The following MAGI3 variants were observed in gnomAD, a reference collection of about 807,000 sequenced individuals.
The protein encoded by MAGI3 is membrane associated guanylate kinase, WW and PDZ domain containing 3.
Under a neutral mutation model 121.8 loss-of-function variants are expected in MAGI3, and 43 were observed. That is an observed-to-expected ratio of 0.35 (90% CI 0.28 to 0.46). MAGI3 has a LOEUF of 0.46. Ranked by LOEUF, MAGI3 falls within the 20% of genes least tolerant of loss-of-function variation. MAGI3 has a pLI of 1.00. For missense variants in MAGI3, 1,547 were observed against 1,797.3 expected, an observed-to-expected ratio of 0.86 and a Z score of 2.52; for synonymous variants, 553 against 639.3, an observed-to-expected ratio of 0.86 and a Z score of 2.04.
chr1:113,553,001 C>T (rs1659845164), intron 2 of MAGI3, among the ~76,000 whole-genome samples: 1 of 152,034 alleles, frequency 6.6e-6, no homozygotes, highest in African/African-American at 2.4e-5. Flanking sequence ...AGAGACATAT[C>T]AGAAGGACAT....
intron 1 of MAGI3, among the ~76,000 whole-genome samples, chr1:113,532,209 G>GA (rs1658761443): frequency 6.6e-6 from 1 of 151,960 alleles, no homozygotes; most frequent in African/African-American, 2.4e-5. Context: ...TGCTAAGAAA[G>GA]AAAAATTGTA....
chr1:113,394,861 C>T (rs1274739311), intron 1 of MAGI3, among the ~76,000 whole-genome samples: 3 of 151,958 alleles, frequency 2.0e-5, no homozygotes, highest in African/African-American at 7.2e-5. Context: ...AAATAAAAAC[C>T]AAGTTGAAAC....
At chr1:113,513,287 A>T (rs1279702222) in intron 1 of MAGI3, among the ~76,000 whole-genome samples, 1 of 152,212 alleles carries the variant, frequency 6.6e-6, no homozygotes, top group East Asian at 1.9e-4. Flanking sequence ...TTTAAAGTTC[A>T]TATGGAATCA....
chr1:113,665,363 ATG>A (rs1318743097), intron 16 of MAGI3, among the ~76,000 whole-genome samples: 2 of 151,856 alleles, frequency 1.3e-5, no homozygotes, highest in South Asian at 2.1e-4. Context: ...GGCTGATGAT[ATG>A]TGTGTGTGTG....
At position 113,658,415 on chromosome 1, in the gene MAGI3, A is replaced by C. The variant is rs1653595018; in HGVS notation, c.2630-665A>C. Among the ~76,000 whole-genome samples the C allele has an allele frequency of 6.6e-6, 1 of 152,236 alleles. No individual in the cohort carries two copies. Among genetic ancestry groups the C allele is most frequent in the African/African-American group, 2.4e-5 (1 of 41,468 alleles). On this transcript the variant is annotated intron_variant, in intron 15 of 20. Coordinates refer to ENST00000307546, the MANE Select transcript of MAGI3 (RefSeq NM_001142782.2). This position sits in a 1 kb window ranked among gnomAD's most constrained non-coding sequence, Gnocchi z 4.0. ...TGGTTTAGAATTTGATCCATGAGTC[A>C]AGTAGTCTTAACAGTTAACATTTAA...
At chr1:113,669,579 G>C (rs1200941852) in intron 16 of MAGI3, among the ~76,000 whole-genome samples, 1 of 152,210 alleles carries the variant, frequency 6.6e-6, no homozygotes, top group Non-Finnish European at 1.5e-5. Context: ...GCCCAGGCTG[G>C]AGTGCAGTGG....
At chr1:113,537,227 C>T (rs1455722830) in intron 1 of MAGI3, among the ~76,000 whole-genome samples, 3 of 152,216 alleles carry the variant, frequency 2.0e-5, no homozygotes, top group African/African-American at 7.2e-5. Flanking sequence ...GCTTTATCTC[C>T]GTTTCTCTAT....
In MAGI3 at chr1:113,642,485, T is replaced by C; in HGVS notation, c.1935T>C (p.Gly645=). ...VVEVLKQFPV[G]ADVPLLILRG... ...AGGTGCTAAAGCAGTTTCCAGTAGGTGCTGATGTACCATTGCTTATCTTAA... is the reference window on the plus strand; with the variant it reads ...AGGTGCTAAAGCAGTTTCCAGTAGGCGCTGATGTACCATTGCTTATCTTAA... Residue 645 remains glycine (G), a synonymous_variant, in exon 10 of 21, where the codon GGT becomes GGC. Coordinates refer to ENST00000307546, the MANE Select transcript of MAGI3 (RefSeq NM_001142782.2). The C allele has an allele frequency of 6.2e-7, 1 of 1,613,642 alleles. No homozygotes were observed. The highest frequency in any genetic ancestry group is 1.7e-5 in the Admixed American group (1 of 59,992).
intron 7 of MAGI3, among the ~76,000 whole-genome samples, chr1:113,618,907 C>T (rs917317273): frequency 9.9e-5 from 15 of 152,218 alleles, no homozygotes; most frequent in African/African-American, 3.1e-4. Flanking sequence ...TAGACCTATT[C>T]GAGGTCCTAA....
intron 9 of MAGI3, among the ~76,000 whole-genome samples, 189 bp from the exon 10 acceptor site, chr1:113,641,722 T>C (rs1201589719): frequency 6.6e-6 from 1 of 152,040 alleles, no homozygotes; most frequent in Admixed American, 6.6e-5. Context: ...TTTAGACATT[T>C]ATACATACAT....
chr1:113,473,797 G>T (rs1334820663), intron 1 of MAGI3, among the ~76,000 whole-genome samples: 2 of 152,200 alleles, frequency 1.3e-5, no homozygotes, highest in African/African-American at 4.8e-5. Flanking sequence ...TGGGATGGCT[G>T]AGTCAAATGG....
rs1653268109 is a variant in MAGI3, at chr1:113,653,169, C to T, written c.2441-661C>T. ...AAGACAGACATCAATGAATATCAGT[C>T]ACTGAGCTAAATTATATTTATAATT... On this transcript the variant is annotated intron_variant, in intron 14 of 20. Transcript: ENST00000307546. 2.6e-5 allele frequency among the ~76,000 whole-genome samples: 4 copies of T among 152,304 alleles called. No individual in the cohort carries two copies. In the South Asian group the frequency reaches 8.3e-4, roughly 32 times the overall value.
chr1:113,640,021 A>G (rs1557867948), intron 9 of MAGI3, among the ~76,000 whole-genome samples: 1 of 152,320 alleles, frequency 6.6e-6, no homozygotes, highest in Admixed American at 6.5e-5. Context: ...AACTCAAGAA[A>G]TAAGGTGGTA....
intron 2 of MAGI3, among the ~76,000 whole-genome samples, chr1:113,554,657 T>C (rs1018355352): frequency 1.3e-5 from 2 of 151,824 alleles, no homozygotes; most frequent in Non-Finnish European, 2.9e-5. Context: ...CATGACAAAC[T>C]ATCAAGCCAA....
intron 1 of MAGI3, among the ~76,000 whole-genome samples, chr1:113,509,369 G>C (rs200243000): frequency 7.1e-5 from 5 of 70,354 alleles, no homozygotes; most frequent in Non-Finnish European, 1.7e-4. Context: ...TTTTTTTTTT[G>C]TTTTCTTTTT....
At chr1:113,571,594 A>C (rs2101704158) in intron 2 of MAGI3, among the ~76,000 whole-genome samples, 1 of 152,236 alleles carries the variant, frequency 6.6e-6, no homozygotes, top group Non-Finnish European at 1.5e-5. Context: ...GTTCTCCTTG[A>C]AGAGGTCCTT....
intron 1 of MAGI3, among the ~76,000 whole-genome samples, chr1:113,535,246 A>G (rs961374138): frequency 1.3e-5 from 2 of 152,164 alleles, no homozygotes; most frequent in African/African-American, 4.8e-5. Context: ...GAATAGGGGA[A>G]AAAACAGAAG....
chr1:113,419,717 G>C (rs181962563), intron 1 of MAGI3, among the ~76,000 whole-genome samples: 40 of 152,292 alleles, frequency 2.6e-4, no homozygotes, highest in Non-Finnish European at 4.4e-4. Context: ...CATTACTGCT[G>C]TAACAGATTC....
chr1:113,560,323 C>T (rs750663962), intron 2 of MAGI3, among the ~76,000 whole-genome samples: 2 of 151,942 alleles, frequency 1.3e-5, no homozygotes, highest in African/African-American at 2.4e-5. Flanking sequence ...TTGCAGTGAG[C>T]TGAGATTGTG....
Sources: gnomAD v4.1 joint callset for allele counts (sites outside exome capture counted in the v4.1 genomes callset) on GRCh38, gnomAD v4.1.1 for gene constraint, Gnocchi (gnomAD v3.1) non-coding constraint, MANE v1.5 for transcripts, NCBI Gene and HGNC (gene_info 2026-07-23, HGNC 2026-07-21) for gene names.